The following UNC13C variants were observed in gnomAD, a reference collection of about 807,000 sequenced individuals.
UNC13C encodes the protein unc-13 homolog C, also known as protein unc-13 homolog C.
In UNC13C, 174 loss-of-function variants were observed where a neutral mutation model predicts 245.4. The ratio of observed to expected loss-of-function variants is 0.71; its 90% CI spans 0.63 to 0.80. The LOEUF (loss-of-function observed/expected upper bound fraction) is 0.80. UNC13C is among the 30% of genes least tolerant of loss of function. The pLI is 0.00. For synonymous variants in UNC13C, 992 were observed against 895.1 expected (o/e 1.11, Z -1.93); for missense variants, 2,829 against 2,602.9 (o/e 1.09, Z -1.89).
intron 2 of UNC13C, among the ~76,000 whole-genome samples, chr15:54,026,380 A>G (rs542748652): frequency 2.0e-5 from 3 of 152,316 alleles, no homozygotes; most frequent in African/African-American, 7.2e-5. Flanking sequence ...TCTTTGCACA[A>G]TAACATGCTC....
intron 2 of UNC13C, among the ~76,000 whole-genome samples, chr15:54,129,682 A>T (rs567886800): frequency 6.6e-6 from 1 of 151,648 alleles, no homozygotes; most frequent in Non-Finnish European, 1.5e-5. Context: ...TTGACCATTA[A>T]TTGGCATAAA....
chr15:54,162,373 TAGAC>T (rs976221066), intron 4 of UNC13C, among the ~76,000 whole-genome samples: 2 of 152,256 alleles, frequency 1.3e-5, no homozygotes, highest in African/African-American at 4.8e-5. Context: ...CAATCATGGA[TAGAC>T]AGACCAGAAG....
chr15:54,158,994 T>C (rs2032865617), intron 4 of UNC13C, among the ~76,000 whole-genome samples: 1 of 152,244 alleles, frequency 6.6e-6, no homozygotes, highest in South Asian at 2.1e-4. Context: ...GCCTTTTTTC[T>C]TCCTATTATT....
intron 2 of UNC13C, among the ~76,000 whole-genome samples, chr15:54,117,379 T>C (rs554180770): frequency 6.6e-6 from 1 of 152,304 alleles, no homozygotes; most frequent in African/African-American, 2.4e-5. Flanking sequence ...GTTTTTCCAA[T>C]ATTATCTTCT....
At chr15:54,227,100 G>A (rs1482928243) in intron 4 of UNC13C, among the ~76,000 whole-genome samples, 2 of 152,202 alleles carry the variant, frequency 1.3e-5, no homozygotes, top group East Asian at 1.9e-4. Flanking sequence ...GGTGAGCAGA[G>A]AAGAGCTTCG....
At chr15:54,245,462 GATAGGAT>G (rs1480394144) in intron 7 of UNC13C, among the ~76,000 whole-genome samples, 2 of 152,032 alleles carry the variant, frequency 1.3e-5, no homozygotes, top group African/African-American at 4.8e-5. Context: ...TTCTCACATA[GATAGGAT>G]ATAACTTTTA....
At chr15:53,912,032 C>T in the UNC13C span, 3 of 152,222 alleles carry the variant, frequency 2.0e-5, no homozygotes, top group Non-Finnish European at 2.9e-5. Context: ...GCACCCTTCA[C>T]AAGTAACCAT....
chr15:54,423,090 A>G (rs567939660), intron 19 of UNC13C, among the ~76,000 whole-genome samples: 4 of 151,782 alleles, frequency 2.6e-5, no homozygotes, highest in East Asian at 3.9e-4. Flanking sequence ...CTGTATATAC[A>G]TGAAGATATT....
chr15:53,896,540 ATGGGAT>A, the UNC13C span, among the ~76,000 whole-genome samples: 3 of 152,236 alleles, frequency 2.0e-5, no homozygotes, highest in Non-Finnish European at 4.4e-5. Flanking sequence ...ATAATAATAC[ATGGGAT>A]GGTGAAGTGG....
chr15:54,190,040 A>C (rs564223789), intron 4 of UNC13C, among the ~76,000 whole-genome samples: 1 of 152,300 alleles, frequency 6.6e-6, no homozygotes, highest in South Asian at 2.1e-4. Context: ...AAAATTGTCC[A>C]GTGAGGGAAT....
intron 19 of UNC13C, among the ~76,000 whole-genome samples, chr15:54,469,606 C>T (rs1388786444): frequency 6.6e-6 from 1 of 151,530 alleles, no homozygotes; most frequent in African/African-American, 2.4e-5. Context: ...GTCTAGTTTA[C>T]TTATAATGCC....
intron 30 of UNC13C, among the ~76,000 whole-genome samples, chr15:54,583,597 T>C (rs1898307994): frequency 6.6e-6 from 1 of 152,222 alleles, no homozygotes; most frequent in Admixed American, 6.5e-5. Context: ...TCAGTTTTTC[T>C]TCACGTATAA....
intron 8 of UNC13C, among the ~76,000 whole-genome samples, chr15:54,254,680 A>G (rs192864654): frequency 6.6e-6 from 1 of 152,336 alleles, no homozygotes; most frequent in Admixed American, 6.5e-5. Flanking sequence ...CATCAAAAGG[A>G]TCAAGCGAAT....
At chr15:54,341,460 C>T (rs1410209147) in intron 17 of UNC13C, among the ~76,000 whole-genome samples, 2 of 152,138 alleles carry the variant, frequency 1.3e-5, no homozygotes, top group Non-Finnish European at 2.9e-5. Flanking sequence ...TAAAAACTCA[C>T]TATTGGGTCC....
rs977333056 is a variant in UNC13C, at chr15:54,061,997, C to G, written c.2983+46111C>G. ...TCATTCATGCCAAGATGGGGAGTGACTCAAGATGACTTCATATATCTCTTA... is the reference window on the plus strand; with the variant it reads ...TCATTCATGCCAAGATGGGGAGTGAGTCAAGATGACTTCATATATCTCTTA... On this transcript the variant is annotated intron_variant, in intron 2 of 32. Coordinates refer to ENST00000260323, the MANE Select transcript of UNC13C (RefSeq NM_001080534.3). Among the ~76,000 whole-genome samples, 21 of 152,058 alleles carry G rather than the reference C, an allele frequency of 1.4e-4. 1 individual carries two copies. Among genetic ancestry groups the G allele is most frequent in the Middle Eastern group, 6.3e-3 (2 of 316 alleles).
chr15:54,173,458 A>G (rs568220463), intron 4 of UNC13C, among the ~76,000 whole-genome samples: 1 of 152,136 alleles, frequency 6.6e-6, no homozygotes, highest in East Asian at 1.9e-4. Context: ...TTTATCTCAA[A>G]GTATTTTATA....
intron 30 of UNC13C, among the ~76,000 whole-genome samples, chr15:54,593,168 C>G (rs192337671): frequency 6.6e-6 from 1 of 152,256 alleles, no homozygotes; most frequent in African/African-American, 2.4e-5. Context: ...GTTTCTGTTG[C>G]TAAATCTCCT....
At chr15:53,890,392 T>C in the UNC13C span, among the ~76,000 whole-genome samples, 1 of 152,104 alleles carries the variant, frequency 6.6e-6, no homozygotes, top group Non-Finnish European at 1.5e-5. Context: ...CCACCCGCCA[T>C]GGCCTCCCAA....
intron 20 of UNC13C, among the ~76,000 whole-genome samples, chr15:54,494,962 A>C (rs1196948079): frequency 6.6e-6 from 1 of 152,054 alleles, no homozygotes; most frequent in Non-Finnish European, 1.5e-5. Flanking sequence ...ACTCAAAGAC[A>C]AAAAATGCAT....
Sources: allele counts gnomAD v4.1 joint callset (sites outside exome capture counted in the v4.1 genomes callset), GRCh38; gene constraint gnomAD v4.1.1; transcripts MANE v1.5; gene names NCBI Gene and HGNC (gene_info 2026-07-23, HGNC 2026-07-21).